EPHA10: variants seen among roughly 807,000 people sequenced by gnomAD.
EPHA10 encodes EPH receptor A10.
In EPHA10, 120 loss-of-function variants were observed where a neutral mutation model predicts 109.7. That is an observed-to-expected ratio of 1.09 (90% CI 0.94 to 1.27). The LOEUF (loss-of-function observed/expected upper bound fraction) is 1.27. Among genes scored for constraint, EPHA10 ranks in the 50% most tolerant of loss-of-function variants. The pLI is 0.00. For synonymous variants in EPHA10, 640 were observed against 618.9 expected (o/e 1.03, Z -0.51); for missense variants, 1,396 against 1,411.1 (o/e 0.99, Z 0.17).
At chr1:37,733,956 T>C (rs1051112892) in intron 6 of EPHA10, among the ~76,000 whole-genome samples, 6 of 152,152 alleles carry the variant, frequency 3.9e-5, no homozygotes, top group Admixed American at 2.6e-4. Flanking sequence ...TCCACCTCAG[T>C]GCTTCTCCAT....
At chr1:37,722,980 G>T (rs953457338) in intron 10 of EPHA10, 61 bp downstream of exon 10, 1 of 1,612,270 alleles carries the variant, frequency 6.2e-7, no homozygotes, top group African/African-American at 1.3e-5. Flanking sequence ...AGTAGGGGCG[G>T]GGCCTATAGA....
chr1:37,717,597 A>G lies in EPHA10; in HGVS notation c.*775T>C, dbSNP rs1323125618. On this transcript the variant is annotated 3_prime_UTR_variant, in exon 17 of 17. Transcript: ENST00000373048. ...ACATGGCCCTTTATGCTTTTCCCAG[A>G]TGTCCTGGCCACTAAGTTCATAAAA... 4.3e-6 allele frequency: 1 copy of G among 231,456 alleles called. No homozygotes were observed. Among genetic ancestry groups the G allele is most frequent in the Non-Finnish European group, 8.5e-6 (1 of 116,968 alleles). The allele number at this position is 231,456 out of a possible 1,614,324, so 14.3% of individuals were successfully genotyped here.
chr1:37,745,758 G>A (rs1646231173), intron 5 of EPHA10, among the ~76,000 whole-genome samples: 1 of 152,228 alleles, frequency 6.6e-6, no homozygotes, highest in Middle Eastern at 3.2e-3. Flanking sequence ...GCTGAGGCTT[G>A]AGAATTGCTT....
chr1:37,761,446 C>T lies in EPHA10; in HGVS notation c.809G>A (p.Ser270Asn), dbSNP rs754097241. The change falls in exon 3 of 17, where the codon AGC becomes AAC. Residue 270 changes from serine (S) to asparagine (N), a missense_variant. Physicochemically the swap from Ser to Asn is conservative, Grantham distance 46. Coordinates refer to ENST00000373048, the MANE Select transcript of EPHA10 (RefSeq NM_001099439.2). ...ACGCTCCTGGAATCCCGCGCTGCAG[C>T]TGCAGCGGCCCACAGGCACCAGCCA... ...GEWLVPVGRC[S>N]CSAGFQERGD... 8 of 1,599,596 alleles carry T rather than the reference C, an allele frequency of 5.0e-6. No homozygotes were observed. In the Admixed American group the frequency reaches 1.3e-4, roughly 27 times the overall value.
intron 5 of EPHA10, among the ~76,000 whole-genome samples, chr1:37,748,173 A>G (rs991186173): frequency 9.2e-5 from 14 of 152,132 alleles, no homozygotes; most frequent in African/African-American, 3.4e-4. Flanking sequence ...AGCCTGATCA[A>G]CGTGGTGAAA....
At chr1:37,757,109 G>A (rs1183432656) in intron 3 of EPHA10, among the ~76,000 whole-genome samples, 1 of 152,120 alleles carries the variant, frequency 6.6e-6, no homozygotes, top group African/African-American at 2.4e-5. Flanking sequence ...TTACAGGTGT[G>A]AGCCACTGCA....
At chr1:37,722,572 T>G (rs979300087) in intron 10 of EPHA10, among the ~76,000 whole-genome samples, 1 of 151,788 alleles carries the variant, frequency 6.6e-6, no homozygotes, top group Middle Eastern at 3.4e-3. Context: ...CTGTGAGGAG[T>G]GCTGGGAGTT....
chr1:37,722,912 T>C (rs1645822639), intron 10 of EPHA10, 129 bp downstream of exon 10: 1 of 1,426,344 alleles, frequency 7.0e-7, no homozygotes, highest in Non-Finnish European at 9.8e-7. Context: ...GAGGCAGGGC[T>C]TCCAGACACG....
chr1:37,731,615 C>T (rs5026683), intron 6 of EPHA10, 33 bp from the exon 7 acceptor site: 91 of 1,573,152 alleles, frequency 5.8e-5, no homozygotes, highest in Middle Eastern at 3.6e-4. Flanking sequence ...AGCCCACCAG[C>T]GCCAGATCCA....
rs532043523 is a variant in EPHA10, at chr1:37,727,130, C to T, written c.1744G>A (p.Val582Met). 2.7e-5 allele frequency: 44 copies of T among 1,612,220 alleles called. No homozygotes were observed. In the South Asian group the frequency reaches 4.0e-4, roughly 15 times the overall value. ...TISALLVLGS[V>M]MSVLAIWRRP... ...CTCCAAATGGCCAGCACACTCATCA[C>T]GGAGCCCAGGACGAGGAGGGCCGAG... The change falls in exon 8 of 17, where the codon GTG (valine) becomes ATG (methionine). Residue 582 changes from valine to methionine, a missense_variant. By Grantham distance (21) the Val-to-Met change is conservative. Transcript: ENST00000373048.
intron 5 of EPHA10, among the ~76,000 whole-genome samples, chr1:37,739,688 CAAAAAAAAA>C (rs66804054): frequency 2.0e-4 from 15 of 76,636 alleles, no homozygotes; most frequent in Admixed American, 8.7e-4. Flanking sequence ...GACCCTGTCT[CAAAAAAAAA>C]AAAAAAAAAA....
In EPHA10 at chr1:37,761,647, G is replaced by A. The variant is rs756015441; in HGVS notation, c.608C>T (p.Ser203Leu). Residue 203 changes from serine to leucine, a missense_variant, in exon 3 of 17, where the codon TCG becomes TTG. Ser to Leu is a moderately radical substitution (Grantham distance 145). Coordinates refer to ENST00000373048, the MANE Select transcript of EPHA10 (RefSeq NM_001099439.2). Reference sequence around the variant, plus strand: ...GCACTGCTTGTAGTAGACGCGCACCGAGACAAGCGCCACGCATGCGCCCAC... The same window carrying A: ...GCACTGCTTGTAGTAGACGCGCACCAAGACAAGCGCCACGCATGCGCCCAC... ...QDVGACVALV[S>L]VRVYYKQCRA... 6.8e-6 allele frequency: 11 copies of A among 1,606,806 alleles called. No individual in the cohort carries two copies. Among genetic ancestry groups the A allele is most frequent in the Middle Eastern group, 1.6e-4 (1 of 6,074 alleles).
At chr1:37,727,080 T>C in intron 8 of EPHA10, 22 bp downstream of exon 8, 2 of 1,588,670 alleles carry the variant, frequency 1.3e-6, no homozygotes, top group Non-Finnish European at 1.7e-6. Flanking sequence ...AGGAGTCACC[T>C]AGGCTGGGGC....
chr1:37,720,320 C>A, intron 13 of EPHA10, 31 bp downstream of exon 13: 2 of 1,570,776 alleles, frequency 1.3e-6, no homozygotes, highest in South Asian at 1.2e-5. Flanking sequence ...AACCAGAAGG[C>A]ACAGGCAGGC....
chr1:37,739,153 TAA>T lies in EPHA10; in HGVS notation c.1358-3765_1358-3764del, dbSNP rs375305312. On this transcript the variant is annotated intron_variant, in intron 5 of 16. Transcript: ENST00000373048. ...TACCCTAGAACTTAAAGTATAATAA[TAA>T]AAAAGAGTTAAAAAAAAGAAAAGAA... 9.3e-3 allele frequency among the ~76,000 whole-genome samples: 1,409 copies of T among 150,830 alleles called. 24 individuals are homozygous for T. The highest frequency in any genetic ancestry group is 0.033 in the African/African-American group (1,357 of 40,984).
Position 37,720,077 on chromosome 1 carries a change from CA to C in EPHA10, c.2413-20del, listed in dbSNP as rs773435840. On this transcript the variant is annotated intron_variant, in intron 13 of 16. Coordinates refer to ENST00000373048, the MANE Select transcript of EPHA10 (RefSeq NM_001099439.2). ...GGCCACTCTGTAGGGGCAGGCAGGT[CA>C]GGGGCAAGGAGGAACTGGGTGACAC... 2.5e-5 allele frequency: 40 copies of C among 1,612,500 alleles called. No individual in the cohort carries two copies. In the African/African-American group the frequency reaches 3.6e-4, roughly 15 times the overall value.
At chr1:37,730,101 A>G (rs1208202373) in intron 7 of EPHA10, among the ~76,000 whole-genome samples, 5 of 152,032 alleles carry the variant, frequency 3.3e-5, no homozygotes, top group Non-Finnish European at 7.4e-5. Flanking sequence ...CTTTGTTCAG[A>G]TAGCTTCCTC....
At position 37,718,728 on chromosome 1, in the gene EPHA10, G is replaced by A. The variant is rs754213917; in HGVS notation, c.2845C>T (p.Arg949Cys). 3.9e-5 allele frequency: 63 copies of A among 1,613,074 alleles called. No individual in the cohort carries two copies. The East Asian group carries it at 4.2e-4, about 11-fold the overall frequency. The change falls in exon 16 of 17, where the codon CGC becomes TGC. Residue 949 changes from arginine to cysteine, a missense_variant. Arg to Cys is a radical substitution (Grantham distance 180). Transcript: ENST00000373048. Reference sequence around the variant, plus strand: ...GCAGCCGCGAAGCTGTCCTTGTAGCGGCACAGGTCCAGGGCCTCCAGCCAC... The same window carrying A: ...GCAGCCGCGAAGCTGTCCTTGTAGCAGCACAGGTCCAGGGCCTCCAGCCAC... Reference protein sequence around the residue: ...GAWLEALDLCRYKDSFAAAGY... With the variant: ...GAWLEALDLCCYKDSFAAAGY...
chr1:37,758,622 C>T (rs1025830159), intron 3 of EPHA10, among the ~76,000 whole-genome samples: 1 of 152,226 alleles, frequency 6.6e-6, no homozygotes, highest in African/African-American at 2.4e-5. Flanking sequence ...CTCCTCCATA[C>T]TCTGATCACT....
Sources: allele counts gnomAD v4.1 joint callset (sites outside exome capture counted in the v4.1 genomes callset), GRCh38; gene constraint gnomAD v4.1.1; transcripts MANE v1.5; gene names NCBI Gene and HGNC (gene_info 2026-07-23, HGNC 2026-07-21).